Variants in FARS2 observed in about 807,000 individuals in gnomAD.
The protein encoded by FARS2 is phenylalanine--tRNA ligase, mitochondrial.
FARS2 carries 40 observed loss-of-function variants against 46.4 expected under a neutral mutation model. The observed-to-expected ratio is 0.86, with a 90% confidence interval of 0.67 to 1.12. FARS2 has a LOEUF of 1.12. Among genes scored for constraint, FARS2 ranks in the 50% most tolerant of loss-of-function variants. FARS2 has a pLI of 0.00. For missense variants in FARS2, 513 were observed against 567.9 expected (o/e 0.90, Z 0.98); for synonymous variants, 234 against 214.9 (o/e 1.09, Z -0.78).
At chr6:5,595,143 T>C (rs1489894983) in intron 5 of FARS2, among the ~76,000 whole-genome samples, 1 of 152,344 alleles carries the variant, frequency 6.6e-6, no homozygotes, top group Middle Eastern at 3.4e-3. Flanking sequence ...AGGTCCTTTC[T>C]GTCTTGTAGC....
intron 3 of FARS2, among the ~76,000 whole-genome samples, chr6:5,425,016 C>T (rs1041247678): frequency 6.6e-6 from 1 of 152,158 alleles, no homozygotes; most frequent in African/African-American, 2.4e-5. Context: ...TTTCTTTCCA[C>T]GTTCCTTTCC....
chr6:5,477,798 G>A (rs576651002), intron 4 of FARS2, among the ~76,000 whole-genome samples: 1 of 152,210 alleles, frequency 6.6e-6, no homozygotes, highest in East Asian at 1.9e-4. Context: ...ATGGGAGGAT[G>A]GCTTGAGACC....
chr6:5,315,761 T>TCTTTCTTCCTTTCTTTCTTTC (rs1561952069), intron 1 of FARS2, among the ~76,000 whole-genome samples: 1 of 132,638 alleles, frequency 7.5e-6, no homozygotes, highest in East Asian at 2.1e-4. Context: ...TTTCTTTCTT[T>TCTTTCTTCCTTTCTTTCTTTC]TTTTTGGGGA....
intron 3 of FARS2, among the ~76,000 whole-genome samples, chr6:5,427,662 C>T (rs1326608434): frequency 6.6e-6 from 1 of 152,084 alleles, no homozygotes. Flanking sequence ...TGTTTATCAT[C>T]TTGGTGGATT....
chr6:5,272,381 A>T (rs1172212405), intron 1 of FARS2: 2 of 152,188 alleles, frequency 1.3e-5, no homozygotes, highest in African/African-American at 4.8e-5. Context: ...CTTTCCAAAA[A>T]ATAATAATAA....
rs192667047 is a variant in FARS2 at position 5,444,561 on chromosome 6, G to A, written c.904+13389G>A. Among the ~76,000 whole-genome samples, 53 of 150,086 alleles carry A rather than the reference G, an allele frequency of 3.5e-4. No individual in the cohort carries two copies. In the East Asian group the frequency reaches 4.9e-3, roughly 14 times the overall value. Reference sequence around the variant, plus strand: ...GTCTGAATTTAATTAGTCTCAGGTCGAAGACTCTGGAATCAGTGGAATGTA... The same window carrying A: ...GTCTGAATTTAATTAGTCTCAGGTCAAAGACTCTGGAATCAGTGGAATGTA... On this transcript the variant is annotated intron_variant, in intron 4 of 6. Coordinates refer to ENST00000274680, the MANE Select transcript of FARS2 (RefSeq NM_006567.5).
At chr6:5,588,938 G>C (rs565186651) in intron 5 of FARS2, among the ~76,000 whole-genome samples, 1 of 152,132 alleles carries the variant, frequency 6.6e-6, no homozygotes, top group Admixed American at 6.5e-5. Context: ...CCATTTTCGA[G>C]GAATTAATAC....
intron 4 of FARS2, among the ~76,000 whole-genome samples, chr6:5,445,712 A>C (rs1764143998): frequency 6.6e-6 from 1 of 152,126 alleles, no homozygotes; most frequent in Non-Finnish European, 1.5e-5. Flanking sequence ...TGTTTGAGGG[A>C]GGGAGTGTGC....
intron 1 of FARS2, among the ~76,000 whole-genome samples, chr6:5,341,235 A>AGATATATATATTT (rs1771616657): frequency 1.9e-4 from 2 of 10,274 alleles, no homozygotes; most frequent in African/African-American, 5.2e-4. Flanking sequence ...ATATATATAT[A>AGATATATATATTT]TTTTTTTTTT....
intron 4 of FARS2, among the ~76,000 whole-genome samples, chr6:5,528,816 T>C (rs1769636698): frequency 6.6e-6 from 1 of 152,214 alleles, no homozygotes; most frequent in Admixed American, 6.5e-5. Context: ...ACTGGAACTG[T>C]TCCTGCTTTC....
At chr6:5,576,003 G>A (rs368170985) in intron 5 of FARS2, among the ~76,000 whole-genome samples, 22 of 152,274 alleles carry the variant, frequency 1.4e-4, no homozygotes, top group African/African-American at 4.1e-4. Context: ...GATGCACACC[G>A]TGTTTCTCTA....
At chr6:5,509,307 C>T (rs1031925464) in intron 4 of FARS2, among the ~76,000 whole-genome samples, 1 of 152,230 alleles carries the variant, frequency 6.6e-6, no homozygotes, top group Non-Finnish European at 1.5e-5. Context: ...TCGAGGGTGA[C>T]ACTGGGTTTG....
At chr6:5,756,960 T>C (rs188511262) in intron 6 of FARS2, among the ~76,000 whole-genome samples, 42 of 152,312 alleles carry the variant, frequency 2.8e-4, no homozygotes, top group African/African-American at 9.9e-4. Context: ...CCTAAAAATG[T>C]TGGGCCACAC....
intron 6 of FARS2, among the ~76,000 whole-genome samples, chr6:5,703,786 C>T (rs1376478022): frequency 6.6e-6 from 1 of 152,190 alleles, no homozygotes; most frequent in Non-Finnish European, 1.5e-5. Context: ...TCTTGCTGTT[C>T]AGTCCGTCCT....
chr6:5,596,035 A>G (rs1158421862), intron 5 of FARS2, among the ~76,000 whole-genome samples: 3 of 152,210 alleles, frequency 2.0e-5, no homozygotes, highest in Non-Finnish European at 4.4e-5. Context: ...GGTTTTAAAT[A>G]TGTTACCCCA....
chr6:5,593,293 C>T (rs1388900173), intron 5 of FARS2, among the ~76,000 whole-genome samples: 1 of 137,514 alleles, frequency 7.3e-6, no homozygotes, highest in East Asian at 1.9e-4. Flanking sequence ...AACTGCACCT[C>T]CCGCCCCCAC....
chr6:5,714,254 A>G (rs1407223444), intron 6 of FARS2, among the ~76,000 whole-genome samples: 1 of 152,166 alleles, frequency 6.6e-6, no homozygotes, highest in Non-Finnish European at 1.5e-5. Flanking sequence ...GCAGAAGGCA[A>G]TGTTGGGATC....
At chr6:5,451,641 A>G (rs1764498179) in intron 4 of FARS2, 2 of 152,220 alleles carry the variant, frequency 1.3e-5, no homozygotes, top group Admixed American at 6.5e-5. Context: ...TTTTGTTAGA[A>G]TGAAGAGAAG....
intron 4 of FARS2, among the ~76,000 whole-genome samples, chr6:5,496,960 G>A (rs894963726): frequency 3.3e-5 from 5 of 152,068 alleles, no homozygotes; most frequent in Non-Finnish European, 7.4e-5. Context: ...CTGGGCCTGT[G>A]TGCATGCACC....
Sources: gnomAD v4.1 joint callset for allele counts (sites outside exome capture counted in the v4.1 genomes callset) on GRCh38, gnomAD v4.1.1 for gene constraint, MANE v1.5 for transcripts, NCBI Gene and HGNC (gene_info 2026-07-23, HGNC 2026-07-21) for gene names.